FOXP1: variants seen among roughly 807,000 people sequenced by gnomAD.
The protein encoded by FOXP1 is forkhead box protein P1.
A neutral mutation model predicts 98.2 loss-of-function variants in FOXP1; 15 were observed. The ratio of observed to expected loss-of-function variants is 0.15; its 90% CI spans 0.10 to 0.24. The LOEUF is 0.24. FOXP1 is among the 10% of genes least tolerant of loss of function. FOXP1 has a pLI of 1.00. For missense variants in FOXP1, 633 were observed against 848.5 expected (o/e 0.75, Z 3.15); for synonymous variants, 371 against 314.5 (o/e 1.18, Z -1.90).
intron 2 of FOXP1, among the ~76,000 whole-genome samples, chr3:71,497,980 T>C (rs771747630): frequency 1.3e-5 from 2 of 152,228 alleles, no homozygotes; most frequent in Non-Finnish European, 2.9e-5. Context: ...CAGATTACCA[T>C]CTTGGGGGTC....
intron 5 of FOXP1, among the ~76,000 whole-genome samples, chr3:71,294,669 A>G (rs1479806230): frequency 1.3e-5 from 2 of 152,190 alleles, no homozygotes; most frequent in African/African-American, 2.4e-5. Flanking sequence ...AACTGAATCA[A>G]TGAAGTACTT....
intron 3 of FOXP1, among the ~76,000 whole-genome samples, chr3:71,370,759 A>C (rs1422798434): frequency 2.0e-5 from 3 of 151,562 alleles, no homozygotes; most frequent in East Asian, 1.9e-4. Context: ...TCTTGTTACA[A>C]GCACATTGCT....
At chr3:71,419,621 C>T (rs915208655) in intron 3 of FOXP1, among the ~76,000 whole-genome samples, 24 of 152,224 alleles carry the variant, frequency 1.6e-4, no homozygotes, top group African/African-American at 5.5e-4. Context: ...ACTCGTCTCT[C>T]CATTCACCAC....
chr3:71,546,127 C>A (rs2045338716), intron 2 of FOXP1, among the ~76,000 whole-genome samples: 1 of 152,096 alleles, frequency 6.6e-6, no homozygotes, highest in Admixed American at 6.5e-5. Context: ...CAACACCTTC[C>A]CCCACCCACC....
chr3:71,534,717 G>A (rs2044151830), intron 2 of FOXP1, among the ~76,000 whole-genome samples: 1 of 152,178 alleles, frequency 6.6e-6, no homozygotes, highest in Non-Finnish European at 1.5e-5. Flanking sequence ...GTAGTCCACA[G>A]GTGACTCTAT....
chr3:71,322,337 T>C (rs2075439644), intron 4 of FOXP1, among the ~76,000 whole-genome samples: 1 of 152,248 alleles, frequency 6.6e-6, no homozygotes, highest in African/African-American at 2.4e-5. Flanking sequence ...GCACCAGTCA[T>C]ATTTCCAGTG....
chr3:71,281,739 G>C (rs990725454), intron 5 of FOXP1, among the ~76,000 whole-genome samples: 7 of 152,152 alleles, frequency 4.6e-5, no homozygotes, highest in African/African-American at 1.7e-4. Context: ...CGTGAGCCCA[G>C]GTCTCTCCTT....
intron 10 of FOXP1, 21 bp downstream of exon 10, chr3:71,046,921 T>C: frequency 6.2e-7 from 1 of 1,613,660 alleles, no homozygotes; most frequent in Non-Finnish European, 8.5e-7. Flanking sequence ...GAGCTATGCC[T>C]TCTGTAAAAT....
chr3:71,209,642 C>CGG (rs2064306184), intron 5 of FOXP1, among the ~76,000 whole-genome samples: 1 of 152,162 alleles, frequency 6.6e-6, no homozygotes, highest in Admixed American at 6.5e-5. Context: ...ACAATAAGTT[C>CGG]GGTGTGTCCC....
intron 3 of FOXP1, among the ~76,000 whole-genome samples, chr3:71,363,402 TTAAG>T (rs1200354592): frequency 6.6e-6 from 1 of 152,208 alleles, no homozygotes; most frequent in East Asian, 1.9e-4. Flanking sequence ...GCAACATTTC[TTAAG>T]TATGTATTCC....
chr3:71,145,431 G>A (rs1430563419), intron 6 of FOXP1, among the ~76,000 whole-genome samples: 1 of 152,038 alleles, frequency 6.6e-6, no homozygotes, highest in East Asian at 1.9e-4. Context: ...CAGCTACTAG[G>A]GAGGCTGAGG....
chr3:71,525,744 GA>G (rs1334941204), intron 2 of FOXP1, among the ~76,000 whole-genome samples: 1 of 151,978 alleles, frequency 6.6e-6, no homozygotes, highest in African/African-American at 2.4e-5. Flanking sequence ...ATAATCCATA[GA>G]AAGTTTCTTT....
At chr3:71,157,835 C>G (rs1367318905) in intron 6 of FOXP1, among the ~76,000 whole-genome samples, 2 of 151,664 alleles carry the variant, frequency 1.3e-5, no homozygotes, top group Non-Finnish European at 2.9e-5. Context: ...GCCTATAATC[C>G]CAGCACTCTG....
rs1452525017 is a variant in FOXP1 at position 71,391,231 on chromosome 3, C to G, written c.-167-31987G>C. On this transcript the variant is annotated intron_variant, in intron 3 of 20. Coordinates refer to ENST00000649528, the MANE Select transcript of FOXP1 (RefSeq NM_001349338.3). ...TAAGAGTCAATTTTATTGACTTCCT[C>G]CAGTTTAAATTTAGAAATCTTTTTC... Among the ~76,000 whole-genome samples, 10 of 152,214 alleles carry G rather than the reference C, an allele frequency of 6.6e-5. No individual in the cohort carries two copies. In the South Asian group the frequency reaches 2.1e-3, roughly 32 times the overall value.
At chr3:71,556,576 CAAAAAA>C (rs757217111) in intron 2 of FOXP1, among the ~76,000 whole-genome samples, 623 of 29,762 alleles carry the variant, frequency 0.021, 5 homozygotes, top group African/African-American at 0.074. Flanking sequence ...GACTCCGTCT[CAAAAAA>C]AAAAAAAAAA....
At chr3:71,188,899 G>A (rs1289745266) in intron 6 of FOXP1, among the ~76,000 whole-genome samples, 1 of 151,998 alleles carries the variant, frequency 6.6e-6, no homozygotes, top group East Asian at 1.9e-4. Context: ...TAATTCAAGG[G>A]GAACACAGGG....
chr3:71,266,661 T>A (rs1367331800), intron 5 of FOXP1, among the ~76,000 whole-genome samples: 4 of 152,218 alleles, frequency 2.6e-5, no homozygotes, highest in African/African-American at 4.8e-5. Flanking sequence ...AAGTTTGGGC[T>A]TCTAGTGAAC....
chr3:70,996,367 A>G (rs2041361247), intron 13 of FOXP1, among the ~76,000 whole-genome samples: 1 of 152,140 alleles, frequency 6.6e-6, no homozygotes, highest in Admixed American at 6.5e-5. Context: ...CAGTCTCCAC[A>G]ACCCATTGTC....
intron 3 of FOXP1, among the ~76,000 whole-genome samples, chr3:71,446,274 C>T (rs1410406490): frequency 2.0e-5 from 3 of 151,958 alleles, no homozygotes; most frequent in Non-Finnish European, 4.4e-5. Context: ...AATTCAGGCT[C>T]GGGCACAGTG....
Sources: allele counts gnomAD v4.1 joint callset (sites outside exome capture counted in the v4.1 genomes callset), GRCh38; gene constraint gnomAD v4.1.1; transcripts MANE v1.5; gene names NCBI Gene and HGNC (gene_info 2026-07-23, HGNC 2026-07-21).